DIAPH3: variants seen among roughly 807,000 people sequenced by gnomAD.
DIAPH3 encodes the protein diaphanous related formin 3.
In DIAPH3, 117 loss-of-function variants were observed where a neutral mutation model predicts 144.3. The ratio of observed to expected loss-of-function variants is 0.81; its 90% CI spans 0.70 to 0.95. The LOEUF (loss-of-function observed/expected upper bound fraction) is 0.95. DIAPH3 is among the 40% of genes least tolerant of loss of function. The pLI, the probability that DIAPH3 is intolerant of heterozygous loss-of-function variation, is 0.00. For synonymous variants in DIAPH3, 519 were observed against 488.9 expected (o/e 1.06, Z -0.81); for missense variants, 1,421 against 1,412.7 (o/e 1.01, Z -0.09).
intron 14 of DIAPH3, among the ~76,000 whole-genome samples, chr13:59,975,237 A>G (rs967810987): frequency 6.6e-5 from 10 of 152,032 alleles, no homozygotes; most frequent in Non-Finnish European, 1.5e-4. Flanking sequence ...AAATGCAACT[A>G]TCTCACAAAT....
chr13:59,969,993 G>T lies in DIAPH3; in HGVS notation c.2025C>A (p.Asn675Lys). The T allele has an allele frequency of 6.2e-7, 1 of 1,608,930 alleles. No individual in the cohort carries two copies. The highest frequency in any genetic ancestry group is 8.5e-7 in the Non-Finnish European group (1 of 1,177,220). ...WIKVNENKYE[N>K]VDLLCKLENT... ...TCTCAAGTTTACAAAGCAAATCCAC[G>T]TTTTCATACTTATTTTCATTTACTT... is the stretch of plus-strand genomic sequence containing the variant. The change falls in exon 17 of 28, where the codon AAC becomes AAA. Residue 675 changes from asparagine (N) to lysine (K), a missense_variant. Physicochemically the swap from Asn to Lys is moderately conservative, Grantham distance 94. Transcript: ENST00000400324.
intron 25 of DIAPH3, among the ~76,000 whole-genome samples, chr13:59,788,649 T>C (rs1163037215): frequency 6.6e-6 from 1 of 152,136 alleles, no homozygotes; most frequent in Non-Finnish European, 1.5e-5. Flanking sequence ...CTAAATAAAC[T>C]ATGACATCCA....
intron 23 of DIAPH3, among the ~76,000 whole-genome samples, chr13:59,837,413 C>G (rs1383201182): frequency 6.6e-6 from 1 of 151,958 alleles, no homozygotes; most frequent in East Asian, 1.9e-4. Context: ...GTCCTGAGAT[C>G]GTGTGCTAAG....
At chr13:59,990,521 C>A (rs2051741554) in intron 12 of DIAPH3, among the ~76,000 whole-genome samples, 1 of 151,876 alleles carries the variant, frequency 6.6e-6, no homozygotes, top group African/African-American at 2.4e-5. Context: ...AGAACATTTA[C>A]TAAGCATACA....
chr13:60,075,702 A>G (rs1167429488), intron 4 of DIAPH3, among the ~76,000 whole-genome samples: 4 of 152,080 alleles, frequency 2.6e-5, no homozygotes, highest in Non-Finnish European at 5.9e-5. Context: ...GATCTTCACC[A>G]TTTTCCCACC....
intron 17 of DIAPH3, among the ~76,000 whole-genome samples, chr13:59,960,181 C>T (rs1163894381): frequency 6.6e-6 from 1 of 152,144 alleles, no homozygotes; most frequent in Admixed American, 6.5e-5. Flanking sequence ...GTTCTGTCCT[C>T]CTCATCTATT....
At chr13:60,144,006 C>T (rs531176764) in intron 1 of DIAPH3, among the ~76,000 whole-genome samples, 33 of 152,256 alleles carry the variant, frequency 2.2e-4, no homozygotes, top group African/African-American at 7.9e-4. Flanking sequence ...TTCCCACAGC[C>T]CTTTTGTTTA....
intron 1 of DIAPH3, among the ~76,000 whole-genome samples, chr13:60,134,083 C>T (rs988735825): frequency 6.6e-6 from 1 of 152,186 alleles, no homozygotes. Flanking sequence ...CCCAGATTCT[C>T]TTCTCCCTTT....
At chr13:59,895,582 G>GACTA (rs2046047532) in intron 20 of DIAPH3, among the ~76,000 whole-genome samples, 1 of 152,062 alleles carries the variant, frequency 6.6e-6, no homozygotes, top group South Asian at 2.1e-4. Context: ...CTCAGACAAA[G>GACTA]ACTATAATTA....
At chr13:59,994,293 A>T (rs2052044915) in intron 9 of DIAPH3, among the ~76,000 whole-genome samples, 1 of 151,976 alleles carries the variant, frequency 6.6e-6, no homozygotes, top group African/African-American at 2.4e-5. Flanking sequence ...ACTAAAATGC[A>T]TTGTTTCTTT....
intron 27 of DIAPH3, among the ~76,000 whole-genome samples, chr13:59,689,289 A>ACGG (rs1486112760): frequency 6.6e-6 from 1 of 151,930 alleles, no homozygotes; most frequent in Non-Finnish European, 1.5e-5. Context: ...TGTTAGGAGT[A>ACGG]CGGCGGCCTC....
chr13:60,092,285 A>G (rs779293348), intron 4 of DIAPH3, among the ~76,000 whole-genome samples: 9 of 152,122 alleles, frequency 5.9e-5, no homozygotes, highest in Non-Finnish European at 1.3e-4. Context: ...TTTGTGATAT[A>G]TAAGTATCAT....
chr13:59,983,912 G>T, intron 12 of DIAPH3, 25 bp from the exon 13 acceptor site: 1 of 1,442,132 alleles, frequency 6.9e-7, no homozygotes, highest in Non-Finnish European at 9.7e-7. Flanking sequence ...AAGAGTAAAT[G>T]TACAATTGAT....
In DIAPH3 at chr13:60,033,159, A is replaced by G. The variant is rs142747558; in HGVS notation, c.626+9531T>C. Among the ~76,000 whole-genome samples, 5 of 152,310 alleles carry G rather than the reference A, an allele frequency of 3.3e-5. No individual in the cohort carries two copies. In the East Asian group the frequency reaches 9.7e-4, roughly 29 times the overall value. ...CTCTTCAGCATGGATTTCACTGTCC[A>G]TATTACTATCAGCATTTTGGTCACA... On this transcript the variant is annotated intron_variant, in intron 5 of 27. Coordinates refer to ENST00000400324, the MANE Select transcript of DIAPH3 (RefSeq NM_001042517.2).
intron 27 of DIAPH3, among the ~76,000 whole-genome samples, chr13:59,668,602 G>A (rs191959194): frequency 1.2e-4 from 18 of 152,218 alleles, no homozygotes; most frequent in African/African-American, 2.2e-4. Context: ...TGCCTAGACC[G>A]TCCTTGGTGC....
chr13:59,829,115 G>A (rs1290574672), intron 24 of DIAPH3, among the ~76,000 whole-genome samples: 1 of 152,032 alleles, frequency 6.6e-6, no homozygotes, highest in South Asian at 2.1e-4. Flanking sequence ...CATATTAGTC[G>A]TGAGATTCTA....
chr13:59,773,494 G>A (rs773845571), intron 27 of DIAPH3, among the ~76,000 whole-genome samples: 2 of 152,064 alleles, frequency 1.3e-5, no homozygotes, highest in African/African-American at 2.4e-5. Flanking sequence ...CACAATCAAC[G>A]AATGTGTTTT....
At chr13:59,865,754 T>A (rs574228680) in intron 21 of DIAPH3, among the ~76,000 whole-genome samples, 9 of 152,100 alleles carry the variant, frequency 5.9e-5, no homozygotes, top group African/African-American at 1.4e-4. Flanking sequence ...GTGCAAGGTT[T>A]GGGGATATTT....
At chr13:59,765,982 T>C (rs1172177648) in intron 27 of DIAPH3, among the ~76,000 whole-genome samples, 1 of 152,200 alleles carries the variant, frequency 6.6e-6, no homozygotes, top group Non-Finnish European at 1.5e-5. Context: ...ACAGATGGAA[T>C]ACAACAGCAG....
Sources: gnomAD v4.1 joint callset for allele counts (sites outside exome capture counted in the v4.1 genomes callset) on GRCh38, gnomAD v4.1.1 for gene constraint, MANE v1.5 for transcripts, NCBI Gene and HGNC (gene_info 2026-07-23, HGNC 2026-07-21) for gene names.